The following DOCK4 variants were observed in gnomAD, a reference collection of about 807,000 sequenced individuals.
The protein encoded by DOCK4 is dedicator of cytokinesis 4.
Under a neutral mutation model 268.1 loss-of-function variants are expected in DOCK4, and 97 were observed. The observed-to-expected ratio is 0.36, with a 90% CI of 0.31 to 0.43. DOCK4 has a LOEUF of 0.43. Among genes scored for constraint, DOCK4 ranks in the 20% least tolerant of loss-of-function variants. DOCK4 has a pLI of 1.00. For missense variants in DOCK4, 2,145 were observed against 2,455.7 expected, an observed-to-expected ratio of 0.87 and a Z score of 2.67; for synonymous variants, 954 against 887.2, an observed-to-expected ratio of 1.08 and a Z score of -1.34.
At chr7:112,116,580 A>G (rs1278512245) in intron 1 of DOCK4, among the ~76,000 whole-genome samples, 1 of 152,236 alleles carries the variant, frequency 6.6e-6, no homozygotes, top group Non-Finnish European at 1.5e-5. Context: ...AATGACTGCA[A>G]ACATCACTTT....
intron 1 of DOCK4, among the ~76,000 whole-genome samples, chr7:112,074,018 T>A (rs764064705): frequency 6.6e-6 from 1 of 152,170 alleles, no homozygotes; most frequent in Non-Finnish European, 1.5e-5. Context: ...ATTTGTACAA[T>A]GATTACATGT....
At chr7:111,840,426 T>C (rs1041467972) in intron 25 of DOCK4, among the ~76,000 whole-genome samples, 1 of 152,172 alleles carries the variant, frequency 6.6e-6, no homozygotes. Flanking sequence ...TGGAGCTCCA[T>C]TAGTCGAGAA....
chr7:112,023,413 A>G, intron 1 of DOCK4: 1 of 277,036 alleles, frequency 3.6e-6, no homozygotes, highest in Non-Finnish European at 7.2e-6. Flanking sequence ...CTCCTATTCA[A>G]GTTGTAAAGA....
At chr7:112,046,101 C>A (rs1402538393) in intron 1 of DOCK4, among the ~76,000 whole-genome samples, 1 of 152,102 alleles carries the variant, frequency 6.6e-6, no homozygotes, top group Non-Finnish European at 1.5e-5. Context: ...CTCAAAACAT[C>A]CTTATCATTT....
chr7:111,926,121 A>G (rs1793617990), intron 12 of DOCK4, among the ~76,000 whole-genome samples: 1 of 94,694 alleles, frequency 1.1e-5, no homozygotes, highest in South Asian at 2.8e-4. Context: ...AGAAAGAGAA[A>G]AAGAAAGAAA....
At chr7:111,887,632 A>T (rs1807954718) in intron 16 of DOCK4, among the ~76,000 whole-genome samples, 1 of 152,128 alleles carries the variant, frequency 6.6e-6, no homozygotes, top group Non-Finnish European at 1.5e-5. Context: ...CTAGTGACCT[A>T]AAGGGGAAAA....
chr7:111,864,241 T>C (rs1432236942), intron 22 of DOCK4, among the ~76,000 whole-genome samples: 3 of 119,910 alleles, frequency 2.5e-5, no homozygotes, highest in Admixed American at 2.4e-4. Flanking sequence ...AATATTTTTA[T>C]GTAAAAAAAA....
intron 12 of DOCK4, among the ~76,000 whole-genome samples, chr7:111,930,539 A>T (rs1794113696): frequency 6.6e-6 from 1 of 152,178 alleles, no homozygotes; most frequent in Non-Finnish European, 1.5e-5. Flanking sequence ...GTGGGGAAAA[A>T]CAGTACTTTT....
rs779198764 is a variant in DOCK4, at chr7:111,732,208, C to A, written c.5481+18G>T. 5 of 1,613,326 alleles carry A rather than the reference C, an allele frequency of 3.1e-6. No homozygotes were observed. The highest frequency in any genetic ancestry group is 2.5e-6 in the Non-Finnish European group (3 of 1,179,462). Reference sequence around the variant, plus strand: ...AACTGGGCCAGTCTCTAGCCTCAGTCGAAAGAAGGGCCTTTACCTTCAATG... The same window carrying A: ...AACTGGGCCAGTCTCTAGCCTCAGTAGAAAGAAGGGCCTTTACCTTCAATG... On this transcript the variant is annotated intron_variant, in intron 52 of 52. Transcript: ENST00000428084.
chr7:112,197,079 C>T (rs1056584247), intron 1 of DOCK4, among the ~76,000 whole-genome samples: 8 of 152,128 alleles, frequency 5.3e-5, no homozygotes, highest in Non-Finnish European at 8.8e-5. Flanking sequence ...TGCCAACAGA[C>T]GTTCTGTCAG....
chr7:112,050,662 T>TAGCA (rs1805263969), intron 1 of DOCK4, among the ~76,000 whole-genome samples: 1 of 148,886 alleles, frequency 6.7e-6, no homozygotes, highest in Non-Finnish European at 1.5e-5. Flanking sequence ...GAGAGAGAGA[T>TAGCA]AGCAAGCGTG....
intron 1 of DOCK4, among the ~76,000 whole-genome samples, chr7:112,107,504 T>C (rs1395208859): frequency 6.6e-6 from 1 of 152,244 alleles, no homozygotes; most frequent in African/African-American, 2.4e-5. Context: ...ACCTTTATCT[T>C]GGACTTCCAA....
intron 36 of DOCK4, among the ~76,000 whole-genome samples, chr7:111,776,410 C>T (rs1172109555): frequency 6.6e-6 from 1 of 152,148 alleles, no homozygotes; most frequent in Non-Finnish European, 1.5e-5. Context: ...AAATAAACGT[C>T]TCACTGGAAA....
At chr7:111,786,207 C>T (rs925470418) in intron 32 of DOCK4, among the ~76,000 whole-genome samples, 1 of 152,116 alleles carries the variant, frequency 6.6e-6, no homozygotes, top group Non-Finnish European at 1.5e-5. Flanking sequence ...GAAGGCAGAG[C>T]GAAAGACTAA....
At chr7:111,729,749 C>T (rs925402898) in intron 52 of DOCK4, among the ~76,000 whole-genome samples, 1 of 152,156 alleles carries the variant, frequency 6.6e-6, no homozygotes, top group Non-Finnish European at 1.5e-5. Context: ...TCAGAAGACC[C>T]AGAGAGCTCA....
chr7:111,928,987 A>T (rs1586402582), intron 12 of DOCK4, among the ~76,000 whole-genome samples: 1 of 152,194 alleles, frequency 6.6e-6, no homozygotes, highest in Non-Finnish European at 1.5e-5. Context: ...TAACATTCTG[A>T]TTTAGATAAC....
At chr7:112,172,935 G>A (rs960023987) in intron 1 of DOCK4, among the ~76,000 whole-genome samples, 7 of 152,084 alleles carry the variant, frequency 4.6e-5, no homozygotes, top group South Asian at 2.1e-4. Flanking sequence ...GAAAGACCCC[G>A]TAACTAGAGC....
chr7:111,946,005 G>A (rs535523681), intron 8 of DOCK4, among the ~76,000 whole-genome samples: 6 of 152,218 alleles, frequency 3.9e-5, no homozygotes, highest in African/African-American at 1.4e-4. Context: ...AACTACAAAA[G>A]CAGAAAGCAC....
intron 1 of DOCK4, among the ~76,000 whole-genome samples, chr7:112,202,427 A>G (rs1357539384): frequency 1.3e-5 from 2 of 152,246 alleles, no homozygotes; most frequent in African/African-American, 4.8e-5. Flanking sequence ...ACAATAAATA[A>G]CAATGCATTG....
Sources: allele counts gnomAD v4.1 joint callset (sites outside exome capture counted in the v4.1 genomes callset), GRCh38; gene constraint gnomAD v4.1.1; transcripts MANE v1.5; gene names NCBI Gene and HGNC (gene_info 2026-07-23, HGNC 2026-07-21).